The following GABRB1 variants were observed in gnomAD, a reference collection of about 807,000 sequenced individuals.
GABRB1 encodes gamma-aminobutyric acid receptor subunit beta-1.
Under a neutral mutation model 51.6 loss-of-function variants are expected in GABRB1, and 17 were observed. The ratio of observed to expected loss-of-function variants is 0.33; its 90% CI spans 0.23 to 0.49. GABRB1 has a LOEUF of 0.49. Ranked by LOEUF, GABRB1 falls within the 20% of genes least tolerant of loss-of-function variation. The pLI, the probability that GABRB1 is intolerant of heterozygous loss-of-function variation, is 0.99. For synonymous variants in GABRB1, 247 were observed against 218.9 expected, an observed-to-expected ratio of 1.13 and a Z score of -1.14; for missense variants, 410 against 600.6, an observed-to-expected ratio of 0.68 and a Z score of 3.32.
rs563011684 is a variant in GABRB1, at chr4:47,340,735, A to G, written c.544+20526A>G. Among the ~76,000 whole-genome samples the G allele has an allele frequency of 2.0e-5, 3 of 152,266 alleles. No homozygotes were observed. The East Asian group carries it at 5.8e-4, about 29-fold the overall frequency. On this transcript the variant is annotated intron_variant, in intron 5 of 8. Transcript: ENST00000295454. Reference sequence around the variant, plus strand: ...CAACATAAAAATGTTCTGTAAACACAAACACTCAGGCCATAGCAGGTAACA... The same window carrying G: ...CAACATAAAAATGTTCTGTAAACACGAACACTCAGGCCATAGCAGGTAACA...
chr4:47,150,933 A>G (rs946532230), intron 3 of GABRB1, among the ~76,000 whole-genome samples: 1 of 152,010 alleles, frequency 6.6e-6, no homozygotes, highest in African/African-American at 2.4e-5. Flanking sequence ...AATTTTTAAA[A>G]TACAAGGTGG....
At chr4:47,204,186 G>A (rs544436938) in intron 4 of GABRB1, among the ~76,000 whole-genome samples, 1 of 152,270 alleles carries the variant, frequency 6.6e-6, no homozygotes, top group Admixed American at 6.5e-5. Flanking sequence ...ATCACATCGA[G>A]TCTGGGTTCT....
At chr4:47,234,458 G>GC (rs1470933261) in intron 4 of GABRB1, among the ~76,000 whole-genome samples, 2 of 151,278 alleles carry the variant, frequency 1.3e-5, no homozygotes, top group Middle Eastern at 3.4e-3. Flanking sequence ...TTGCTCTCCA[G>GC]CCTGGGCAAC....
At chr4:46,997,814 A>G (rs1045947360) in intron 1 of GABRB1, among the ~76,000 whole-genome samples, 4 of 152,196 alleles carry the variant, frequency 2.6e-5, no homozygotes, top group East Asian at 3.8e-4. Flanking sequence ...TTCTTTATTC[A>G]TTCATCCACT....
intron 8 of GABRB1, among the ~76,000 whole-genome samples, chr4:47,411,295 C>T (rs1199453721): frequency 6.6e-6 from 1 of 152,098 alleles, no homozygotes; most frequent in African/African-American, 2.4e-5. Flanking sequence ...TATATACACA[C>T]TATGGAGTAC....
At chr4:47,069,090 C>G (rs1308535528) in intron 3 of GABRB1, among the ~76,000 whole-genome samples, 1 of 152,150 alleles carries the variant, frequency 6.6e-6, no homozygotes, top group African/African-American at 2.4e-5. Context: ...TAGAACCTCC[C>G]CATGTGAGAT....
intron 3 of GABRB1, among the ~76,000 whole-genome samples, chr4:47,118,139 G>T (rs933477151): frequency 3.3e-5 from 5 of 152,132 alleles, no homozygotes; most frequent in African/African-American, 1.2e-4. Flanking sequence ...TGAGTCCAAA[G>T]AGATGACTGG....
chr4:47,137,428 A>G (rs772032089), intron 3 of GABRB1, among the ~76,000 whole-genome samples: 1 of 152,146 alleles, frequency 6.6e-6, no homozygotes, highest in African/African-American at 2.4e-5. Flanking sequence ...AATTTTAGAA[A>G]TATTAGTTTT....
chr4:47,388,050 C>T (rs146644615), intron 5 of GABRB1, among the ~76,000 whole-genome samples: 1 of 152,148 alleles, frequency 6.6e-6, no homozygotes, highest in Admixed American at 6.5e-5. Flanking sequence ...ATAGCCAACA[C>T]GCATTATAGG....
chr4:47,361,885 A>T lies in GABRB1; in HGVS notation c.545-41433A>T, dbSNP rs114878439. On this transcript the variant is annotated intron_variant, in intron 5 of 8. Transcript: ENST00000295454. ...AACTGGGGTTGTCAAGTGGGCAGTG[A>T]GGCTATGGACCTGGATCTCAGAGGA... 3.0e-3 allele frequency among the ~76,000 whole-genome samples: 459 copies of T among 152,238 alleles called. 2 individuals carry two copies. Among genetic ancestry groups the T allele is most frequent in the African/African-American group, 0.011 (438 of 41,566 alleles).
intron 3 of GABRB1, among the ~76,000 whole-genome samples, chr4:47,054,524 A>G (rs577981216): frequency 1.3e-5 from 2 of 152,168 alleles, no homozygotes; most frequent in South Asian, 4.1e-4. Flanking sequence ...GATATTTTTG[A>G]GGTCTACAGA....
intron 4 of GABRB1, among the ~76,000 whole-genome samples, chr4:47,186,101 A>C (rs1490535161): frequency 6.6e-6 from 1 of 151,642 alleles, no homozygotes; most frequent in African/African-American, 2.4e-5. Context: ...TACTGCATAC[A>C]TCCATAATAT....
intron 5 of GABRB1, among the ~76,000 whole-genome samples, chr4:47,329,344 C>T (rs543552910): frequency 6.6e-6 from 1 of 151,460 alleles, no homozygotes; most frequent in South Asian, 2.1e-4. Flanking sequence ...GTAGGCTAAA[C>T]ATATCCTATT....
intron 3 of GABRB1, among the ~76,000 whole-genome samples, chr4:47,035,539 T>C (rs568180096): frequency 1.3e-5 from 2 of 152,188 alleles, no homozygotes; most frequent in African/African-American, 4.8e-5. Flanking sequence ...AACTACATAC[T>C]GTTACCATTT....
At chr4:47,146,151 G>A (rs991083926) in intron 3 of GABRB1, among the ~76,000 whole-genome samples, 1 of 151,966 alleles carries the variant, frequency 6.6e-6, no homozygotes, top group African/African-American at 2.4e-5. Context: ...TCATGTCTGA[G>A]CTGGGATTCA....
chr4:47,116,150 G>A (rs931542407), intron 3 of GABRB1, among the ~76,000 whole-genome samples: 1 of 152,122 alleles, frequency 6.6e-6, no homozygotes, highest in African/African-American at 2.4e-5. Flanking sequence ...AAAATAAATT[G>A]TCAAGTTTGG....
intron 4 of GABRB1, among the ~76,000 whole-genome samples, chr4:47,186,301 C>G (rs1244842254): frequency 1.3e-5 from 2 of 151,668 alleles, no homozygotes; most frequent in Admixed American, 6.6e-5. Flanking sequence ...GTCAGAAAAT[C>G]AGTAAGTATA....
intron 4 of GABRB1, among the ~76,000 whole-genome samples, chr4:47,208,083 A>C (rs1720212027): frequency 1.3e-5 from 2 of 152,074 alleles, no homozygotes; most frequent in Non-Finnish European, 2.9e-5. Flanking sequence ...AAACAACCCA[A>C]GTATCTATTG....
intron 5 of GABRB1, among the ~76,000 whole-genome samples, chr4:47,384,265 TAAC>T (rs1193489155): frequency 6.6e-6 from 1 of 152,074 alleles, no homozygotes; most frequent in Non-Finnish European, 1.5e-5. Context: ...ATTTTTCTCT[TAAC>T]AACATACCAT....
Sources: allele counts gnomAD v4.1 joint callset (sites outside exome capture counted in the v4.1 genomes callset), GRCh38; gene constraint gnomAD v4.1.1; transcripts MANE v1.5; gene names NCBI Gene and HGNC (gene_info 2026-07-23, HGNC 2026-07-21).